IFT57: variants seen among roughly 807,000 people sequenced by gnomAD.
IFT57 encodes the protein intraflagellar transport 57.
Under a neutral mutation model 56.8 loss-of-function variants are expected in IFT57, and 59 were observed. The observed-to-expected ratio is 1.04, with a 90% CI of 0.84 to 1.29. The LOEUF is 1.29. Among genes scored for constraint, IFT57 ranks in the 50% most tolerant of loss-of-function variants. IFT57 has a pLI of 0.00. For missense variants in IFT57, 470 were observed against 522.1 expected, an observed-to-expected ratio of 0.90 and a Z score of 0.97; for synonymous variants, 209 against 186.1, an observed-to-expected ratio of 1.12 and a Z score of -1.00.
rs2108307863 is a variant in IFT57, at chr3:108,166,844, C to T, written c.981+10G>A. On this transcript the variant is annotated intron_variant, in intron 8 of 10. Coordinates refer to ENST00000264538, the MANE Select transcript of IFT57 (RefSeq NM_018010.4). Reference sequence around the variant, plus strand: ...CTTGAATAAATCCTTGGAAATCATTCTTAAATTACCTCACTCAGCTGGGCT... The same window carrying T: ...CTTGAATAAATCCTTGGAAATCATTTTTAAATTACCTCACTCAGCTGGGCT... 1 of 1,604,896 alleles carries T rather than the reference C, an allele frequency of 6.2e-7. No individual in the cohort carries two copies. Among genetic ancestry groups the T allele is most frequent in the East Asian group, 2.2e-5 (1 of 44,698 alleles).
chr3:108,162,657 T>C lies in IFT57; in HGVS notation c.1112-2A>G. The C allele has an allele frequency of 6.3e-7, 1 of 1,583,310 alleles. No individual in the cohort carries two copies. Among genetic ancestry groups the C allele is most frequent in the Non-Finnish European group, 8.6e-7 (1 of 1,162,508 alleles). ...TCTGTTTAATCTTCACCAAAGGAGC[T>C]GCAGAATGAAAATAACATGAAATAA... On this transcript the variant is annotated splice_acceptor_variant, in intron 10 of 10. Transcript: ENST00000264538. LOFTEE classifies it high-confidence loss of function.
intron 4 of IFT57, among the ~76,000 whole-genome samples, chr3:108,210,380 C>A (rs1371081481): frequency 7.4e-6 from 1 of 136,010 alleles, no homozygotes; most frequent in African/African-American, 2.7e-5. Context: ...GTTGCCCAGG[C>A]CGGACTGCAG....
chr3:108,169,452 GAT>G (rs1242762112), intron 6 of IFT57, among the ~76,000 whole-genome samples: 1 of 151,936 alleles, frequency 6.6e-6, no homozygotes, highest in Non-Finnish European at 1.5e-5. Context: ...TCACTTGGAT[GAT>G]AGTTTCTTTT....
At position 108,222,402 on chromosome 3, in the gene IFT57, A is replaced by G. The variant is rs2080412100; in HGVS notation, c.-80T>C. The G allele has an allele frequency of 1.5e-6, 2 of 1,305,114 alleles. No individual in the cohort carries two copies. Among genetic ancestry groups the G allele is most frequent in the Non-Finnish European group, 2.1e-6 (2 of 966,924 alleles). The allele number at this position is 1,305,114 out of a possible 1,614,324, so 80.8% of individuals were successfully genotyped here. ...AGCCGCCAGCCCTGCCGCCGCCAGT[A>G]CAGCCACGACCGGTTACCAGGCGAC... On this transcript the variant is annotated 5_prime_UTR_variant, in exon 1 of 11. Transcript: ENST00000264538.
intron 5 of IFT57, among the ~76,000 whole-genome samples, chr3:108,202,450 A>G (rs2080284438): frequency 6.6e-6 from 1 of 152,212 alleles, no homozygotes; most frequent in African/African-American, 2.4e-5. Context: ...TAAACATCAC[A>G]GTCCCAGCCC....
intron 3 of IFT57, among the ~76,000 whole-genome samples, chr3:108,216,844 C>T (rs921444069): frequency 3.3e-5 from 5 of 152,032 alleles, no homozygotes; most frequent in African/African-American, 1.2e-4. Context: ...ATGGAGGACA[C>T]TATGTCAAGT....
At chr3:108,172,123 CG>C (rs2080096423) in intron 6 of IFT57, among the ~76,000 whole-genome samples, 1 of 151,824 alleles carries the variant, frequency 6.6e-6, no homozygotes, top group Non-Finnish European at 1.5e-5. Flanking sequence ...GGTATAACTA[CG>C]ATAGTGTACA....
chr3:108,189,086 C>T (rs2080200803), intron 6 of IFT57, among the ~76,000 whole-genome samples: 1 of 152,120 alleles, frequency 6.6e-6, no homozygotes, highest in Non-Finnish European at 1.5e-5. Context: ...ACCAAAAAAT[C>T]AGAAATCACA....
chr3:108,205,808 T>C (rs1470839), intron 5 of IFT57, among the ~76,000 whole-genome samples: 12,963 of 135,720 alleles, frequency 0.096, 666 homozygotes, highest in Middle Eastern at 0.11. Context: ...CAAAATATTA[T>C]AGCATATTAT....
At chr3:108,218,974 CA>C (rs1340595067) in intron 2 of IFT57, among the ~76,000 whole-genome samples, 1 of 152,142 alleles carries the variant, frequency 6.6e-6, no homozygotes. Context: ...CAGAGTGATT[CA>C]CTTGTCAAAA....
At chr3:108,193,720 G>A (rs1423711622) in intron 5 of IFT57, among the ~76,000 whole-genome samples, 1 of 152,148 alleles carries the variant, frequency 6.6e-6, no homozygotes, top group African/African-American at 2.4e-5. Flanking sequence ...ATGAGAATGT[G>A]TACTATGGCA....
At position 108,162,624 on chromosome 3, in the gene IFT57, T is replaced by C; in HGVS notation, c.1143A>G (p.Thr381=). The C allele has an allele frequency of 6.2e-7, 1 of 1,609,252 alleles. No individual in the cohort carries two copies. The highest frequency in any genetic ancestry group is 8.5e-7 in the Non-Finnish European group (1 of 1,177,704). ...APLVKIKQSL[T]KLKQETVEMD... ...TCTCTACAGTTTCTTGCTTCAGTTTTGTTAAGCTCTGTTTAATCTTCACCA... is the reference window on the plus strand; with the variant it reads ...TCTCTACAGTTTCTTGCTTCAGTTTCGTTAAGCTCTGTTTAATCTTCACCA... The change falls in exon 11 of 11, where the codon ACA becomes ACG. Residue 381 remains threonine (T), a synonymous_variant. Coordinates refer to ENST00000264538, the MANE Select transcript of IFT57 (RefSeq NM_018010.4).
At chr3:108,171,507 C>A (rs574010756) in intron 6 of IFT57, among the ~76,000 whole-genome samples, 36 of 151,884 alleles carry the variant, frequency 2.4e-4, no homozygotes, top group Admixed American at 5.3e-4. Flanking sequence ...CTGAAAAGAA[C>A]CTTAGAGATC....
In IFT57 at chr3:108,185,489, T is replaced by C. The variant is rs1474470723; in HGVS notation, c.777+6032A>G. Among the ~76,000 whole-genome samples, 7 of 151,564 alleles carry C rather than the reference T, an allele frequency of 4.6e-5. No individual in the cohort carries two copies. The South Asian group carries it at 1.5e-3, about 32-fold the overall frequency. On this transcript the variant is annotated intron_variant, in intron 6 of 10. Coordinates refer to ENST00000264538, the MANE Select transcript of IFT57 (RefSeq NM_018010.4). ...GTTTTTAATGCAGACTAAAGTGCCC[T>C]GTTATGAAAAAAAGAAAAAGTGCCA...
rs2080411962 is a variant in IFT57, at chr3:108,222,381, G to T, written c.-59C>A. The T allele has an allele frequency of 3.4e-6, 5 of 1,487,404 alleles. No homozygotes were observed. Among genetic ancestry groups the T allele is most frequent in the Non-Finnish European group, 4.5e-6 (5 of 1,115,564 alleles). 92.1% of individuals were successfully genotyped at this position (1,487,404 alleles called of 1,614,324 possible). ...CCCACAGACCTCTGCGGCCTAAGCCGCCAGCCCTGCCGCCGCCAGTACAGC... is the reference window on the plus strand; with the variant it reads ...CCCACAGACCTCTGCGGCCTAAGCCTCCAGCCCTGCCGCCGCCAGTACAGC... On this transcript the variant is annotated 5_prime_UTR_variant, in exon 1 of 11. Transcript: ENST00000264538.
At chr3:108,221,912 CTA>C (rs2080408146) in intron 1 of IFT57, 197 bp downstream of exon 1, 1 of 1,118,346 alleles carries the variant, frequency 8.9e-7, no homozygotes, top group Non-Finnish European at 1.2e-6. Context: ...TTTATTCTCT[CTA>C]CAAAAATACC....
Position 108,185,551 on chromosome 3 carries a change from ATTTTT to A in IFT57, c.777+5965_777+5969del, listed in dbSNP as rs1179200943. Among the ~76,000 whole-genome samples, 444 of 87,300 alleles carry A rather than the reference ATTTTT, an allele frequency of 5.1e-3. 1 individual carries two copies. The highest frequency in any genetic ancestry group is 0.021 in the African/African-American group (427 of 20,716). 57.3% of individuals were successfully genotyped at this position (87,300 alleles called of 152,430 possible). On this transcript the variant is annotated intron_variant, in intron 6 of 10. Transcript: ENST00000264538. Reference sequence around the variant, plus strand: ...ATTACTAAGAGATGTGAGCACTAGGATTTTTTTTTTTTTTTTTTTTTTTTTTGAGA... The same window carrying A: ...ATTACTAAGAGATGTGAGCACTAGGATTTTTTTTTTTTTTTTTTTTTGAGA...
chr3:108,174,293 CTATT>C (rs2080112164), intron 6 of IFT57, among the ~76,000 whole-genome samples: 1 of 151,446 alleles, frequency 6.6e-6, no homozygotes. Flanking sequence ...TTTTGAAAAA[CTATT>C]AACATAACTG....
intron 6 of IFT57, among the ~76,000 whole-genome samples, chr3:108,186,336 ATGT>A (rs1437018307): frequency 1.3e-5 from 2 of 150,226 alleles, no homozygotes; most frequent in Non-Finnish European, 3.0e-5. Context: ...AAAAAAAAAA[ATGT>A]TGGTGGGGAT....
Sources: gnomAD v4.1 joint callset for allele counts (sites outside exome capture counted in the v4.1 genomes callset) on GRCh38, gnomAD v4.1.1 for gene constraint, MANE v1.5 for transcripts, NCBI Gene and HGNC (gene_info 2026-07-23, HGNC 2026-07-21) for gene names.